Variants in CHN2 observed in about 807,000 individuals in gnomAD.
CHN2 encodes the protein chimerin 2.
In CHN2, 35 loss-of-function variants were observed where a neutral mutation model predicts 56.3. The observed-to-expected ratio is 0.62, with a 90% CI of 0.47 to 0.82. CHN2 has a LOEUF of 0.82. CHN2 is among the 40% of genes least tolerant of loss of function. The pLI is 0.00. For synonymous variants in CHN2, 210 were observed against 212.8 expected, an observed-to-expected ratio of 0.99 and a Z score of 0.12; for missense variants, 491 against 580.5, an observed-to-expected ratio of 0.85 and a Z score of 1.58.
At chr7:29,416,103 A>C (rs888251795) in intron 6 of CHN2, among the ~76,000 whole-genome samples, 4 of 152,182 alleles carry the variant, frequency 2.6e-5, no homozygotes, top group African/African-American at 9.7e-5. Context: ...ATAACCTTCT[A>C]TTCTGCAAAG....
intron 6 of CHN2, among the ~76,000 whole-genome samples, chr7:29,433,506 G>A (rs528676860): frequency 5.7e-4 from 87 of 152,114 alleles, no homozygotes; most frequent in Non-Finnish European, 9.4e-4. Context: ...CAGAAGTGTC[G>A]TGGACAAACC....
intron 1 of CHN2, among the ~76,000 whole-genome samples, chr7:29,205,568 G>T (rs1020261816): frequency 6.6e-6 from 1 of 152,172 alleles, no homozygotes; most frequent in Non-Finnish European, 1.5e-5. Context: ...CCTTTCCTGA[G>T]TGGTAAGTGA....
rs573855442 is a variant in CHN2, at chr7:29,230,011, T to C, written c.49+35021T>C. 3.3e-5 allele frequency among the ~76,000 whole-genome samples: 5 copies of C among 151,458 alleles called. No homozygotes were observed. In the South Asian group the frequency reaches 6.3e-4, roughly 19 times the overall value. On this transcript the variant is annotated intron_variant, in intron 1 of 12. Coordinates refer to ENST00000222792, the MANE Select transcript of CHN2 (RefSeq NM_004067.4). The stretch of plus-strand genomic sequence containing the variant: ...TAAATAAATAAATAAATAAGTTTTA[T>C]TGGAATCCAGCCATGCCCATTTGTT...
chr7:29,488,171 C>CA (rs1451963201), intron 7 of CHN2, among the ~76,000 whole-genome samples: 1 of 152,200 alleles, frequency 6.6e-6, no homozygotes, highest in Non-Finnish European at 1.5e-5. Context: ...AGAGGGAACT[C>CA]AGAGTGTCTG....
At chr7:29,261,100 T>A (rs1789513842) in intron 1 of CHN2, among the ~76,000 whole-genome samples, 1 of 152,224 alleles carries the variant, frequency 6.6e-6, no homozygotes, top group Non-Finnish European at 1.5e-5. Flanking sequence ...ATATCCTTCA[T>A]CAAGTGTCTT....
intron 1 of CHN2, among the ~76,000 whole-genome samples, chr7:29,255,813 T>G (rs780939344): frequency 6.6e-5 from 10 of 152,186 alleles, no homozygotes; most frequent in African/African-American, 9.7e-5. Context: ...CAGGCTGATT[T>G]CATCTTAGTC....
chr7:29,292,457 A>T (rs1202220034), intron 1 of CHN2, among the ~76,000 whole-genome samples: 6 of 152,232 alleles, frequency 3.9e-5, no homozygotes, highest in Admixed American at 3.3e-4. Flanking sequence ...AAGGCTTGAA[A>T]TATTTTTCTA....
intron 1 of CHN2, among the ~76,000 whole-genome samples, chr7:29,301,445 A>G (rs756232520): frequency 9.9e-5 from 15 of 151,810 alleles, no homozygotes; most frequent in Admixed American, 4.6e-4. Context: ...GCTTTGCCCT[A>G]AAAGAGGATC....
chr7:29,380,441 A>G (rs961426696), intron 3 of CHN2, among the ~76,000 whole-genome samples: 2 of 152,222 alleles, frequency 1.3e-5, no homozygotes, highest in Non-Finnish European at 2.9e-5. Context: ...GCTATAATGC[A>G]AAAACAGACA....
chr7:29,277,049 A>G (rs1791285882), intron 1 of CHN2, among the ~76,000 whole-genome samples: 2 of 152,184 alleles, frequency 1.3e-5, no homozygotes, highest in African/African-American at 4.8e-5. Flanking sequence ...CAGGATTCAT[A>G]AGAACACTTC....
chr7:29,498,982 C>T (rs932515758), intron 8 of CHN2, among the ~76,000 whole-genome samples: 4 of 152,026 alleles, frequency 2.6e-5, no homozygotes, highest in Non-Finnish European at 5.9e-5. Context: ...TCTCAAACTC[C>T]TGGCCTCAGG....
intron 1 of CHN2, among the ~76,000 whole-genome samples, chr7:29,325,145 A>T (rs973170519): frequency 2.0e-5 from 3 of 152,124 alleles, no homozygotes; most frequent in Non-Finnish European, 4.4e-5. Context: ...TACCTTTGAG[A>T]ATTCTCCCTT....
intron 2 of CHN2, among the ~76,000 whole-genome samples, chr7:29,182,555 AT>A (rs1209113613): frequency 3.9e-5 from 6 of 152,212 alleles, no homozygotes; most frequent in Non-Finnish European, 7.3e-5. Flanking sequence ...CTCCTAGAGT[AT>A]TTTTATCCAA....
At chr7:29,289,138 C>T (rs1025078356) in intron 1 of CHN2, 10 of 152,190 alleles carry the variant, frequency 6.6e-5, no homozygotes, top group African/African-American at 2.4e-4. Flanking sequence ...TGCTTATTTG[C>T]AAGTAAGTAT....
At chr7:29,383,618 A>AT (rs1800695074) in intron 3 of CHN2, among the ~76,000 whole-genome samples, 2 of 152,350 alleles carry the variant, frequency 1.3e-5, no homozygotes, top group South Asian at 2.1e-4. Context: ...ATTGATCATC[A>AT]TAACACATAA....
intron 6 of CHN2, among the ~76,000 whole-genome samples, chr7:29,428,401 G>A (rs909559583): frequency 6.6e-6 from 1 of 152,140 alleles, no homozygotes; most frequent in African/African-American, 2.4e-5. Context: ...CATTGTTTGT[G>A]GTCATTTAAG....
rs552150148 is a variant in CHN2, at chr7:29,226,893, A to G, written c.49+31903A>G. Among the ~76,000 whole-genome samples the G allele has an allele frequency of 8.5e-5, 13 of 152,292 alleles. No homozygotes were observed. In the East Asian group the frequency reaches 2.5e-3, roughly 29 times the overall value. On this transcript the variant is annotated intron_variant, in intron 1 of 12. Transcript: ENST00000222792. ...GTCCTATCTACAAAATGGAGAATGA[A>G]AAAGGCTGCCAACACTGTAACATAG...
rs572402381 is a variant in CHN2, at chr7:29,442,821, C to T, written c.577-37458C>T. Among the ~76,000 whole-genome samples the T allele has an allele frequency of 3.9e-5, 6 of 152,050 alleles. No homozygotes were observed. The South Asian group carries it at 1.2e-3, about 32-fold the overall frequency. On this transcript the variant is annotated intron_variant, in intron 6 of 12. Coordinates refer to ENST00000222792, the MANE Select transcript of CHN2 (RefSeq NM_004067.4). ...TACATACGAGGTCGTTTTAAAACAG[C>T]CATTTATTTTTTCAGCGATTAATAC...
At chr7:29,391,351 AG>A (rs1235676784) in intron 3 of CHN2, among the ~76,000 whole-genome samples, 7 of 20,016 alleles carry the variant, frequency 3.5e-4, no homozygotes, top group Non-Finnish European at 6.5e-4. Flanking sequence ...AAGGGAGGGG[AG>A]GGGAGGGGAG....
Sources: gnomAD v4.1 joint callset for allele counts (sites outside exome capture counted in the v4.1 genomes callset) on GRCh38, gnomAD v4.1.1 for gene constraint, MANE v1.5 for transcripts, NCBI Gene and HGNC (gene_info 2026-07-23, HGNC 2026-07-21) for gene names.